The following ZSCAN30 variants were observed in gnomAD, a reference collection of about 807,000 sequenced individuals.
ZSCAN30 encodes the protein zinc finger and SCAN domain containing 30, also known as zinc finger and SCAN domain-containing protein 30.
Under a neutral mutation model 44.3 loss-of-function variants are expected in ZSCAN30, and 37 were observed. The ratio of observed to expected loss-of-function variants is 0.84; its 90% confidence interval spans 0.64 to 1.10. ZSCAN30 has a LOEUF of 1.10. Among genes scored for constraint, ZSCAN30 ranks in the 50% least tolerant of loss-of-function variants. The pLI is 0.00. For synonymous variants in ZSCAN30, 181 were observed against 204.6 expected (o/e 0.88, Z 0.98); for missense variants, 549 against 582.6 (o/e 0.94, Z 0.59).
At chr18:35,277,554 T>C (rs758067076) in intron 1 of ZSCAN30, among the ~76,000 whole-genome samples, 1 of 152,198 alleles carries the variant, frequency 6.6e-6, no homozygotes, top group Non-Finnish European at 1.5e-5. Context: ...CCCTTTTGCT[T>C]GGCACTTCTT....
intron 3 of ZSCAN30, among the ~76,000 whole-genome samples, chr18:35,259,521 C>G (rs1174751706): frequency 1.3e-5 from 2 of 152,206 alleles, no homozygotes; most frequent in African/African-American, 2.4e-5. Flanking sequence ...AAGATCATCC[C>G]TTGGTCTGTG....
In ZSCAN30 at chr18:35,271,747, C is replaced by T. The variant is rs537674367; in HGVS notation, c.-103-7292G>A. On this transcript the variant is annotated intron_variant, in intron 1 of 3. Transcript: ENST00000333206. ...GCTCCAGCTGCGTGGGAGCCCATTG[C>T]GGGGAGGGGGGGCGCTTGGGCATGG... Among the ~76,000 whole-genome samples, 583 of 152,300 alleles carry T rather than the reference C, an allele frequency of 3.8e-3. 5 individuals are homozygous for T. Among genetic ancestry groups the T allele is most frequent in the Non-Finnish European group, 2.8e-3 (192 of 68,012 alleles).
chr18:35,251,310 C>T lies in ZSCAN30; in HGVS notation c.*2140G>A, dbSNP rs911588773. ...CTGTATTACCAACACTTACAATTCA[C>T]AATCAGGAGAAAAACCTATTATATG... On this transcript the variant is annotated 3_prime_UTR_variant, in exon 4 of 4. Coordinates refer to ENST00000333206, the MANE Select transcript of ZSCAN30 (RefSeq NM_001112734.4). 1 of 152,144 alleles carries T rather than the reference C, an allele frequency of 6.6e-6. No homozygotes were observed. The highest frequency in any genetic ancestry group is 2.4e-5 in the African/African-American group (1 of 41,428). 9.4% of individuals were successfully genotyped at this position (152,144 alleles called of 1,614,324 possible).
Position 35,264,382 on chromosome 18 carries a change from C to A in ZSCAN30, c.-30G>T. The stretch of plus-strand genomic sequence containing the variant: ...GGCAGAGACAGTCTGAAAAGGCTGC[C>A]CAGGTGAGGCAGGGAGGAGATGGAG... On this transcript the variant is annotated 5_prime_UTR_variant, in exon 2 of 4. Coordinates refer to ENST00000333206, the MANE Select transcript of ZSCAN30 (RefSeq NM_001112734.4). 6.3e-7 allele frequency: 1 copy of A among 1,592,486 alleles called. No homozygotes were observed. Among genetic ancestry groups the A allele is most frequent in the South Asian group, 1.1e-5 (1 of 88,314 alleles).
chr18:35,268,442 C>T (rs1448005571), intron 1 of ZSCAN30: 1 of 152,136 alleles, frequency 6.6e-6, no homozygotes, highest in African/African-American at 2.4e-5. Flanking sequence ...GGGATGACAT[C>T]GCCAAGGGAG....
At chr18:35,283,363 G>C (rs2143777093) in intron 1 of ZSCAN30, 1 of 152,432 alleles carries the variant, frequency 6.6e-6, no homozygotes, top group African/African-American at 2.4e-5. Flanking sequence ...TGTGTCACAG[G>C]ATACTTGGGG....
At chr18:35,263,490 C>G (rs778402922) in intron 3 of ZSCAN30, 23 bp downstream of exon 3, 8 of 1,613,812 alleles carry the variant, frequency 5.0e-6, no homozygotes, top group Admixed American at 1.7e-5. Flanking sequence ...ATCCTCAACC[C>G]CACATGGACT....
rs1013830615 is a variant in ZSCAN30 at position 35,275,905 on chromosome 18, T to C, written c.-103-11450A>G. ...AACGTTTGTTTTTTATGAAGAGGTG[T>C]TGGATTTTGTCAAATGCTTTTTCTG... On this transcript the variant is annotated intron_variant, in intron 1 of 3. Transcript: ENST00000333206. Among the ~76,000 whole-genome samples, 5 of 152,370 alleles carry C rather than the reference T, an allele frequency of 3.3e-5. No individual in the cohort carries two copies. The East Asian group carries it at 5.8e-4, about 18-fold the overall frequency.
At chr18:35,286,956 G>A (rs1236832047) in intron 1 of ZSCAN30, among the ~76,000 whole-genome samples, 1 of 151,968 alleles carries the variant, frequency 6.6e-6, no homozygotes, top group Non-Finnish European at 1.5e-5. Flanking sequence ...ACTAATAAAT[G>A]AATTTAACAA....
At chr18:35,262,218 T>G (rs946179413) in intron 3 of ZSCAN30, 22 of 152,228 alleles carry the variant, frequency 1.4e-4, no homozygotes, top group Admixed American at 1.4e-3. Flanking sequence ...AAATGCAATT[T>G]TCTTATTACA....
At chr18:35,274,686 G>A (rs2044340824) in intron 1 of ZSCAN30, among the ~76,000 whole-genome samples, 1 of 152,162 alleles carries the variant, frequency 6.6e-6, no homozygotes, top group Non-Finnish European at 1.5e-5. Flanking sequence ...AAGCCCACTA[G>A]ATGCTTTGGT....
chr18:35,255,635 A>G (rs1402623665), intron 3 of ZSCAN30: 1 of 154,358 alleles, frequency 6.5e-6, no homozygotes, highest in African/African-American at 2.4e-5. Flanking sequence ...GCTTTTATAT[A>G]AAAATGAATA....
chr18:35,267,689 G>A (rs2044189844), intron 1 of ZSCAN30: 1 of 151,990 alleles, frequency 6.6e-6, no homozygotes, highest in African/African-American at 2.4e-5. Context: ...GCTGCTGAAA[G>A]GGTGGGGAGC....
At chr18:35,261,491 A>G (rs1206885328) in intron 3 of ZSCAN30, 1 of 152,174 alleles carries the variant, frequency 6.6e-6, no homozygotes, top group Admixed American at 6.5e-5. Context: ...ATAAGCATGG[A>G]ATGTTTCTCC....
chr18:35,273,449 C>T (rs965030418), intron 1 of ZSCAN30, among the ~76,000 whole-genome samples: 5 of 152,212 alleles, frequency 3.3e-5, no homozygotes, highest in South Asian at 2.1e-4. Context: ...CATCTGTTAA[C>T]GGACACTTGG....
At chr18:35,264,585 T>A (rs2044107055) in intron 1 of ZSCAN30, 130 bp from the exon 2 acceptor site, 2 of 490,478 alleles carry the variant, frequency 4.1e-6, no homozygotes, top group South Asian at 6.4e-5. Context: ...CACTTCCACA[T>A]AAATGATACA....
rs138521335 is a variant in ZSCAN30 at position 35,269,887 on chromosome 18, T to A, written c.-103-5432A>T. 1.5e-4 allele frequency: 22 copies of A among 151,008 alleles called. No individual in the cohort carries two copies. The East Asian group carries it at 4.1e-3, about 28-fold the overall frequency. 9.4% of individuals were successfully genotyped at this position (151,008 alleles called of 1,614,324 possible). A position where few individuals can be genotyped will look rare whatever the true frequency, so the allele number is the denominator to read the frequency against. On this transcript the variant is annotated intron_variant, in intron 1 of 3. Coordinates refer to ENST00000333206, the MANE Select transcript of ZSCAN30 (RefSeq NM_001112734.4). ...GTAAAGTTGTCTTCTATGTAAAAAG[T>A]CCATAAGGTTTATACACAGAACATA...
chr18:35,271,917 G>A (rs952997158), intron 1 of ZSCAN30, among the ~76,000 whole-genome samples: 16 of 152,086 alleles, frequency 1.1e-4, no homozygotes, highest in African/African-American at 2.9e-4. Context: ...GCCTGGGGCC[G>A]GCGGCGCTGG....
rs918819943 is a variant in ZSCAN30 at position 35,251,577 on chromosome 18, T to A, written c.*1873A>T. 4.6e-5 allele frequency: 7 copies of A among 151,892 alleles called. No homozygotes were observed. The highest frequency in any genetic ancestry group is 1.7e-4 in the African/African-American group (7 of 41,322). The allele number at this position is 151,892 out of a possible 1,614,324, so 9.4% of individuals were successfully genotyped here. The stretch of plus-strand genomic sequence containing the variant: ...GTAATCCCCAGGTGTTGAGGGAGGG[T>A]CGTGGTGGGAGGTGATTAGATCATG... On this transcript the variant is annotated 3_prime_UTR_variant, in exon 4 of 4. Coordinates refer to ENST00000333206, the MANE Select transcript of ZSCAN30 (RefSeq NM_001112734.4).
Sources: gnomAD v4.1 joint callset for allele counts (sites outside exome capture counted in the v4.1 genomes callset) on GRCh38, gnomAD v4.1.1 for gene constraint, MANE v1.5 for transcripts, NCBI Gene and HGNC (gene_info 2026-07-23, HGNC 2026-07-21) for gene names.